The following FOXN3 variants were observed in gnomAD, a reference collection of about 807,000 sequenced individuals.
FOXN3 encodes the protein forkhead box N3, also known as forkhead box protein N3.
A neutral mutation model predicts 38.4 loss-of-function variants in FOXN3; 7 were observed. That is an observed-to-expected ratio of 0.18 (90% CI 0.10 to 0.34). The LOEUF is 0.34. FOXN3 is among the 10% of genes least tolerant of loss of function. FOXN3 has a pLI of 1.00. For missense variants in FOXN3, 456 were observed against 613.4 expected, an observed-to-expected ratio of 0.74 and a Z score of 2.71; for synonymous variants, 230 against 242.2, an observed-to-expected ratio of 0.95 and a Z score of 0.47.
At chr14:89,587,394 A>C (rs1282553375) in intron 1 of FOXN3, among the ~76,000 whole-genome samples, 1 of 152,224 alleles carries the variant, frequency 6.6e-6, no homozygotes, top group Non-Finnish European at 1.5e-5. Flanking sequence ...AGGATTTGCA[A>C]ATTCAAATGC....
At chr14:89,453,246 T>C (rs1892652458) in intron 1 of FOXN3, among the ~76,000 whole-genome samples, 1 of 149,628 alleles carries the variant, frequency 6.7e-6, no homozygotes, top group Admixed American at 6.7e-5. Context: ...CCAATGATAA[T>C]GCTGTCTCTT....
chr14:89,475,942 A>G (rs1893200664), intron 1 of FOXN3, among the ~76,000 whole-genome samples: 1 of 152,204 alleles, frequency 6.6e-6, no homozygotes, highest in Admixed American at 6.5e-5. Context: ...ACTGATGAGT[A>G]ATTTGGACCT....
chr14:89,373,730 T>C (rs1890390073), intron 2 of FOXN3, among the ~76,000 whole-genome samples: 1 of 152,204 alleles, frequency 6.6e-6, no homozygotes, highest in Non-Finnish European at 1.5e-5. Context: ...ACCACACCTT[T>C]AATAGTAGGA....
chr14:89,545,311 C>A (rs775472661), intron 1 of FOXN3, among the ~76,000 whole-genome samples: 1 of 152,194 alleles, frequency 6.6e-6, no homozygotes, highest in Non-Finnish European at 1.5e-5. Context: ...GGATCTCATT[C>A]GTCGATACGG....
At chr14:89,291,858 T>C (rs1267541686) in intron 3 of FOXN3, among the ~76,000 whole-genome samples, 6 of 152,192 alleles carry the variant, frequency 3.9e-5, no homozygotes, top group African/African-American at 9.7e-5. Context: ...CTGTGGATGG[T>C]AAGATGCTCA....
chr14:89,503,425 A>G (rs1318492872), intron 1 of FOXN3, among the ~76,000 whole-genome samples: 1 of 152,230 alleles, frequency 6.6e-6, no homozygotes, highest in Non-Finnish European at 1.5e-5. Context: ...GTTAGTATAC[A>G]GTTGGCATTT....
At chr14:89,193,802 G>T (rs1417373537) in intron 4 of FOXN3, among the ~76,000 whole-genome samples, 1 of 152,174 alleles carries the variant, frequency 6.6e-6, no homozygotes, top group Admixed American at 6.5e-5. Flanking sequence ...TCCAAAGAGG[G>T]TGTACCACGT....
At chr14:89,422,023 C>T (rs1458511863), upstream of FOXN3, among the ~76,000 whole-genome samples, 2 of 152,098 alleles carry the variant, frequency 1.3e-5, no homozygotes, top group East Asian at 1.9e-4. Flanking sequence ...GGACTACAGG[C>T]GCATGCCACC....
rs570080086 is a variant in FOXN3 at position 89,581,465 on chromosome 14, A to G, written c.-15+37563T>C. On this transcript the variant is annotated intron_variant, in intron 1 of 6. Coordinates refer to the FOXN3 transcript ENST00000345097. ...CCATTGCAGTCTAGCTTGGGCGACA[A>G]GCAGAAAACTCTGTCTCAAAGAAAA... Among the ~76,000 whole-genome samples, 8 of 147,760 alleles carry G rather than the reference A, an allele frequency of 5.4e-5. No homozygotes were observed. The South Asian group carries it at 1.3e-3, about 24-fold the overall frequency.
At chr14:89,585,830 A>G (rs1025518519) in intron 1 of FOXN3, among the ~76,000 whole-genome samples, 1 of 152,186 alleles carries the variant, frequency 6.6e-6, no homozygotes, top group Non-Finnish European at 1.5e-5. Context: ...AGTAAATTAC[A>G]TAGTATGCTG....
chr14:89,273,552 G>C (rs1886216177), intron 4 of FOXN3, among the ~76,000 whole-genome samples: 1 of 152,218 alleles, frequency 6.6e-6, no homozygotes, highest in Non-Finnish European at 1.5e-5. Context: ...GGGGTAACTG[G>C]AGATTGGGCA....
chr14:89,417,817 C>T (rs1173760201), upstream of FOXN3: 6 of 448,312 alleles, frequency 1.3e-5, no homozygotes, highest in East Asian at 1.4e-4. Context: ...CAGCGTCCCA[C>T]CCAGGTGGCC....
chr14:89,384,021 TG>T (rs199505319), intron 2 of FOXN3, among the ~76,000 whole-genome samples: 1 of 151,470 alleles, frequency 6.6e-6, no homozygotes, highest in Non-Finnish European at 1.5e-5. Flanking sequence ...ATGAATTTGG[TG>T]GGGGGGGACA....
chr14:89,601,234 C>G (rs1458364979), intron 1 of FOXN3, among the ~76,000 whole-genome samples: 2 of 152,210 alleles, frequency 1.3e-5, no homozygotes, highest in African/African-American at 4.8e-5. Flanking sequence ...TATTCATAAT[C>G]TGCATATTTA....
At chr14:89,616,647 T>C (rs75280394) in intron 1 of FOXN3, among the ~76,000 whole-genome samples, 2,078 of 152,024 alleles carry the variant, frequency 0.014, 51 homozygotes, top group African/African-American at 0.048. Flanking sequence ...CTTCCCCCGA[T>C]GAATCCTCAT....
intron 4 of FOXN3, among the ~76,000 whole-genome samples, chr14:89,221,511 C>T (rs1884460324): frequency 6.6e-6 from 1 of 152,222 alleles, no homozygotes; most frequent in South Asian, 2.1e-4. Flanking sequence ...GCCAGAAAGC[C>T]TTGCAAATCC....
intron 4 of FOXN3, among the ~76,000 whole-genome samples, chr14:89,210,161 T>C (rs1318632343): frequency 2.0e-5 from 3 of 152,120 alleles, no homozygotes; most frequent in Admixed American, 1.3e-4. Flanking sequence ...GTGTTGGAGG[T>C]GGGGCCTGGC....
chr14:89,247,199 A>G (rs4904521), intron 4 of FOXN3, among the ~76,000 whole-genome samples: 121,688 of 152,208 alleles, frequency 0.8, 48,695 homozygotes, highest in Non-Finnish European at 0.82. Flanking sequence ...TACAAATAAA[A>G]TACTTTCTGT....
chr14:89,291,711 T>C, intron 3 of FOXN3: 1 of 378,976 alleles, frequency 2.6e-6, no homozygotes, highest in Non-Finnish European at 5.1e-6. Flanking sequence ...TTTCATCACA[T>C]TCCCCAAAGC....
Sources: allele counts gnomAD v4.1 joint callset (sites outside exome capture counted in the v4.1 genomes callset), GRCh38; gene constraint gnomAD v4.1.1; transcripts MANE v1.5; gene names NCBI Gene and HGNC (gene_info 2026-07-23, HGNC 2026-07-21).